CEP72: variants seen among roughly 807,000 people sequenced by gnomAD.
CEP72 encodes the protein centrosomal protein 72, also known as centrosomal protein of 72 kDa.
CEP72 carries 78 observed loss-of-function variants against 65.7 expected under a neutral mutation model. The observed-to-expected ratio is 1.19, with a 90% CI of 0.99 to 1.43. CEP72 has a LOEUF of 1.43. Ranked by LOEUF, CEP72 falls within the 40% of genes most tolerant of loss-of-function variation. CEP72 has a pLI of 0.00. For missense variants in CEP72, 914 were observed against 832.9 expected (o/e 1.10, Z -1.20); for synonymous variants, 358 against 351.7 (o/e 1.02, Z -0.20).
chr5:616,930 G>A (rs528607774), intron 1 of CEP72, among the ~76,000 whole-genome samples: 1 of 151,716 alleles, frequency 6.6e-6, no homozygotes, highest in South Asian at 2.1e-4. Context: ...GGGTGTGTGC[G>A]TGTGTGTATG....
chr5:635,241 T>G, intron 5 of CEP72, 131 bp from the exon 6 acceptor site: 1 of 677,002 alleles, frequency 1.5e-6, no homozygotes, highest in Non-Finnish European at 2.5e-6. Flanking sequence ...CATTTCAGTG[T>G]CACCCAGCAC....
At chr5:673,558 C>T in the CEP72 span, among the ~76,000 whole-genome samples, 4 of 152,162 alleles carry the variant, frequency 2.6e-5, no homozygotes, top group Admixed American at 6.5e-5. Flanking sequence ...TCCCACACGG[C>T]GCCCACTCAC....
Position 667,082 on chromosome 5 carries a change from A to G in CEP72, n.811A>G, listed in dbSNP as rs887360759. On this transcript the variant is annotated non_coding_transcript_exon_variant, in exon 5 of 5. Coordinates refer to the CEP72 transcript ENST00000514507. ...GGGGACAAATGACCCATAAAACCCC[A>G]GCAAGCCTTTCCAGAAGTCAGTGAG... 4.6e-5 allele frequency: 7 copies of G among 152,354 alleles called. No individual in the cohort carries two copies. In the East Asian group the frequency reaches 1.2e-3, roughly 25 times the overall value. 9.4% of individuals were successfully genotyped at this position (152,354 alleles called of 1,614,324 possible).
exon 3 of CEP72, chr5:665,251 T>C (rs1245575409): frequency 6.2e-7 from 1 of 1,613,646 alleles, no homozygotes; most frequent in Non-Finnish European, 8.5e-7. Context: ...CCCGTGAACT[T>C]GGTGGTGTCC....
intron 9 of CEP72, chr5:644,089 C>T (rs1340661107): frequency 3.6e-6 from 2 of 549,744 alleles, no homozygotes; most frequent in Non-Finnish European, 6.4e-6. Flanking sequence ...CCTCTCCTCA[C>T]TTCCCCCCTC....
downstream of CEP72, among the ~76,000 whole-genome samples, chr5:656,066 AT>A (rs1739368856): frequency 6.6e-6 from 1 of 152,176 alleles, no homozygotes; most frequent in African/African-American, 2.4e-5. Flanking sequence ...TTAGATATAG[AT>A]TCTACCCAGA....
chr5:644,106 G>A (rs990612778), intron 9 of CEP72, 193 bp from the exon 10 acceptor site: 2 of 589,478 alleles, frequency 3.4e-6, no homozygotes, highest in Admixed American at 3.1e-5. Flanking sequence ...CCTCCCCTGA[G>A]GGTGCTGCAG....
At chr5:660,311 G>C (rs1368207223), downstream of CEP72, 1 of 151,970 alleles carries the variant, frequency 6.6e-6, no homozygotes, top group Non-Finnish European at 1.5e-5. Context: ...AAGTTGTGCA[G>C]ATTTCCTTTG....
At chr5:616,190 A>G (rs1273039407) in intron 1 of CEP72, among the ~76,000 whole-genome samples, 1 of 152,150 alleles carries the variant, frequency 6.6e-6, no homozygotes, top group Non-Finnish European at 1.5e-5. Flanking sequence ...GTCTTAGGGC[A>G]GGTCTGCTTG....
rs1735727682 is a variant in CEP72 at position 612,434 on chromosome 5, C to G, written c.73C>G (p.Arg25Gly). Residue 25 changes from arginine (R) to glycine (G), a missense_variant, in exon 1 of 12, where the codon CGC becomes GGC. By Grantham distance (125) the Arg-to-Gly change is moderately radical. Transcript: ENST00000264935. The stretch of plus-strand genomic sequence containing the variant: ...GGCGAAGAGCGGCTTAGGGCCTCAC[C>G]GCGACCTGGGTGCGCCGGAGGGCGG... ...VRAKSGLGPH[R>G]DLAELQSLSI... The G allele has an allele frequency of 2.1e-6, 3 of 1,458,250 alleles. No homozygotes were observed. Among genetic ancestry groups the G allele is most frequent in the Non-Finnish European group, 1.8e-6 (2 of 1,106,770 alleles). 90.3% of individuals were successfully genotyped at this position (1,458,250 alleles called of 1,614,324 possible). A position where few individuals can be genotyped will look rare whatever the true frequency, so the allele number is the denominator to read the frequency against.
intron 7 of CEP72, 102 bp downstream of exon 7, chr5:637,920 G>A (rs1376979857): frequency 5.0e-5 from 57 of 1,148,548 alleles, no homozygotes; most frequent in Non-Finnish European, 6.2e-5. Flanking sequence ...GGCACTGACT[G>A]TGTCCCTCCC....
chr5:663,942 C>T (rs1739791141), intron 2 of CEP72: 1 of 152,620 alleles, frequency 6.6e-6, no homozygotes, highest in East Asian at 1.9e-4. Flanking sequence ...CGGCTTCTCC[C>T]CAGGTGCAGA....
At chr5:614,422 A>G (rs1735863845) in intron 1 of CEP72, among the ~76,000 whole-genome samples, 1 of 146,962 alleles carries the variant, frequency 6.8e-6, no homozygotes, top group Non-Finnish European at 1.5e-5. Flanking sequence ...ATTTCCCTCG[A>G]TACTTCCTGT....
At position 640,413 on chromosome 5, in the gene CEP72, G is replaced by A. The variant is rs572280484; in HGVS notation, c.1348G>A (p.Ala450Thr). 124 of 1,613,422 alleles carry A rather than the reference G, an allele frequency of 7.7e-5. No individual in the cohort carries two copies. The South Asian group carries it at 1.0e-3, about 14-fold the overall frequency. Residue 450 changes from alanine (A) to threonine (T), a missense_variant, in exon 9 of 12, where the codon GCA (alanine) becomes ACA (threonine). Coordinates refer to ENST00000264935, the MANE Select transcript of CEP72 (RefSeq NM_018140.4). ...TATTTGGTTTTCACTCCTAGCTCAG[G>A]CAAGACACATCTTGTCATCTGTTGA... ...LHSNEAFLAQ[A>T]RHILSSVEEF...
intron 1 of CEP72, among the ~76,000 whole-genome samples, chr5:612,967 T>C (rs1397279755): frequency 6.6e-6 from 1 of 152,254 alleles, no homozygotes; most frequent in African/African-American, 2.4e-5. Context: ...GAGTGTGTGC[T>C]CATTGTTTGA....
intron 3 of CEP72, chr5:665,346 G>A: frequency 6.4e-7 from 1 of 1,550,470 alleles, no homozygotes; most frequent in South Asian, 1.2e-5. Context: ...AGCCAGGTGA[G>A]GCCAGCAAGT....
chr5:625,076 G>A (rs776578705), intron 4 of CEP72, among the ~76,000 whole-genome samples: 6 of 152,298 alleles, frequency 3.9e-5, no homozygotes, highest in Admixed American at 2.0e-4. Flanking sequence ...GTGCTGGTGA[G>A]GCCACCTTCG....
At chr5:675,114 G>A in the CEP72 span, among the ~76,000 whole-genome samples, 12 of 26,152 alleles carry the variant, frequency 4.6e-4, no homozygotes, top group East Asian at 9.8e-4. Flanking sequence ...GGTGCAGCAC[G>A]GGGGGTACAG....
downstream of CEP72, among the ~76,000 whole-genome samples, chr5:653,933 G>C (rs138174412): frequency 6.6e-6 from 1 of 152,226 alleles, no homozygotes; most frequent in Non-Finnish European, 1.5e-5. Flanking sequence ...GCAGGCCTAA[G>C]AAGAAAATGC....
Sources: allele counts gnomAD v4.1 joint callset (sites outside exome capture counted in the v4.1 genomes callset), GRCh38; gene constraint gnomAD v4.1.1; transcripts MANE v1.5; gene names NCBI Gene and HGNC (gene_info 2026-07-23, HGNC 2026-07-21).